The following CNTN5 variants were observed in gnomAD, a reference collection of about 807,000 sequenced individuals.
CNTN5 encodes contactin 5.
In CNTN5, 77 loss-of-function variants were observed where a neutral mutation model predicts 129.1. The ratio of observed to expected loss-of-function variants is 0.60; its 90% CI spans 0.50 to 0.72. The LOEUF (loss-of-function observed/expected upper bound fraction) is 0.72, where lower values mean the gene tolerates loss of function less well. Ranked by LOEUF, CNTN5 falls within the 30% of genes least tolerant of loss-of-function variation. The pLI is 0.00. For missense variants in CNTN5, 1,478 were observed against 1,328.8 expected (o/e 1.11, Z -1.75); for synonymous variants, 509 against 465.6 (o/e 1.09, Z -1.20).
intron 1 of CNTN5, among the ~76,000 whole-genome samples, chr11:99,111,123 T>G (rs928380604): frequency 2.6e-5 from 4 of 152,102 alleles, no homozygotes; most frequent in Admixed American, 6.6e-5. Context: ...ACATGAGAAT[T>G]TAAGATGCTA....
intron 7 of CNTN5, among the ~76,000 whole-genome samples, chr11:99,936,423 C>G (rs1232790965): frequency 6.6e-6 from 1 of 152,136 alleles, no homozygotes; most frequent in East Asian, 1.9e-4. Context: ...TTCTGTTACA[C>G]AAAGGGCCTT....
chr11:100,349,012 A>G (rs905566576), intron 23 of CNTN5, among the ~76,000 whole-genome samples: 1 of 151,978 alleles, frequency 6.6e-6, no homozygotes, highest in African/African-American at 2.4e-5. Context: ...TAATGCTGTT[A>G]TCACCTTGCA....
intron 9 of CNTN5, among the ~76,000 whole-genome samples, chr11:100,037,583 G>A (rs1320523351): frequency 2.6e-5 from 4 of 152,104 alleles, no homozygotes; most frequent in African/African-American, 9.7e-5. Flanking sequence ...ATTCGGCTGT[G>A]AATCCATCTG....
At chr11:99,145,432 T>A (rs1035314852) in intron 1 of CNTN5, among the ~76,000 whole-genome samples, 1 of 152,044 alleles carries the variant, frequency 6.6e-6, no homozygotes, top group Non-Finnish European at 1.5e-5. Context: ...TACTTTGGTT[T>A]CGGTTGTGGG....
Position 100,308,433 on chromosome 11 carries a change from A to ATTC in CNTN5, c.2697_2698insCTT (p.Ile899_Lys900insLeu), listed in dbSNP as rs780586273. ...AGAGATTCTTGTTGCATGGAAACAC[A>ATTC]TTAAAGAGAGTCTAGGAAGACCACA... On this transcript the variant is annotated inframe_insertion, in exon 21 of 25. Transcript: ENST00000524871. 9.9e-6 allele frequency: 16 copies of ATTC among 1,610,928 alleles called. No homozygotes were observed. In the East Asian group the frequency reaches 3.6e-4, roughly 36 times the overall value.
At chr11:100,157,539 T>A (rs972860966) in intron 13 of CNTN5, among the ~76,000 whole-genome samples, 5 of 151,162 alleles carry the variant, frequency 3.3e-5, no homozygotes, top group African/African-American at 1.2e-4. Flanking sequence ...GTCTCAACAG[T>A]GTTTTAGTAT....
At chr11:99,735,847 G>C (rs1291268526) in intron 3 of CNTN5, among the ~76,000 whole-genome samples, 1 of 152,110 alleles carries the variant, frequency 6.6e-6, no homozygotes, top group African/African-American at 2.4e-5. Flanking sequence ...ATACGGTATT[G>C]TTAACTACAG....
intron 9 of CNTN5, among the ~76,000 whole-genome samples, chr11:100,041,074 T>C (rs1376332399): frequency 6.6e-6 from 1 of 152,204 alleles, no homozygotes; most frequent in East Asian, 1.9e-4. Flanking sequence ...TCACTCACAC[T>C]AGGAGCTGTA....
Position 99,595,593 on chromosome 11 carries a change from G to A in CNTN5, c.55+39324G>A, listed in dbSNP as rs192340634. 2.5e-4 allele frequency among the ~76,000 whole-genome samples: 38 copies of A among 152,132 alleles called. No homozygotes were observed. In the East Asian group the frequency reaches 6.0e-3, roughly 24 times the overall value. On this transcript the variant is annotated intron_variant, in intron 3 of 24. Transcript: ENST00000524871. Reference sequence around the variant, plus strand: ...AAGGTAAATATGCCACAGGAATCAGGAACATATGATAAGCCATAAAGCACA... The same window carrying A: ...AAGGTAAATATGCCACAGGAATCAGAAACATATGATAAGCCATAAAGCACA...
chr11:100,121,247 G>A (rs916168508), intron 13 of CNTN5, among the ~76,000 whole-genome samples: 1 of 152,048 alleles, frequency 6.6e-6, no homozygotes, highest in Non-Finnish European at 1.5e-5. Context: ...AGGCGGAACT[G>A]ATGGACTTGA....
intron 3 of CNTN5, among the ~76,000 whole-genome samples, chr11:99,792,177 A>G (rs1417028011): frequency 6.6e-6 from 1 of 152,062 alleles, no homozygotes; most frequent in African/African-American, 2.4e-5. Flanking sequence ...TCCTCGTTCC[A>G]GTTCTCAAGG....
intron 3 of CNTN5, among the ~76,000 whole-genome samples, chr11:99,675,740 CA>C (rs1372511258): frequency 6.6e-6 from 1 of 151,952 alleles, no homozygotes; most frequent in Non-Finnish European, 1.5e-5. Flanking sequence ...CTTTAAAATT[CA>C]AGTGTTTTAT....
At chr11:99,704,903 T>A (rs963058528) in intron 3 of CNTN5, among the ~76,000 whole-genome samples, 1 of 151,322 alleles carries the variant, frequency 6.6e-6, no homozygotes, top group African/African-American at 2.4e-5. Context: ...AAAATGTTTT[T>A]ATGTTGCCCG....
rs115948666 is a variant in CNTN5 at position 100,077,990 on chromosome 11, T to A, written c.1580+3696T>A. ...AATATAATCTAATCATCTGAAAATA[T>A]GTCAGAAAATCTCAAAGGTAAATTT... is the stretch of plus-strand genomic sequence containing the variant. On this transcript the variant is annotated intron_variant, in intron 13 of 24. Coordinates refer to ENST00000524871, the MANE Select transcript of CNTN5 (RefSeq NM_014361.4). Among the ~76,000 whole-genome samples the A allele has an allele frequency of 8.0e-3, 1,212 of 152,280 alleles. 15 individuals carry two copies. Among genetic ancestry groups the A allele is most frequent in the African/African-American group, 0.026 (1,089 of 41,564 alleles).
chr11:100,019,156 T>A (rs1245025663), intron 9 of CNTN5, among the ~76,000 whole-genome samples: 2 of 151,944 alleles, frequency 1.3e-5, no homozygotes, highest in African/African-American at 4.8e-5. Flanking sequence ...TTTGATGAAG[T>A]CCAAATTTTC....
At chr11:99,024,195 C>G (rs74661009) in intron 1 of CNTN5, among the ~76,000 whole-genome samples, 1 of 152,056 alleles carries the variant, frequency 6.6e-6, no homozygotes, top group Non-Finnish European at 1.5e-5. Context: ...ATTCCATCTC[C>G]CTACCCACTC....
At chr11:100,049,296 G>C (rs1374603643) in intron 9 of CNTN5, among the ~76,000 whole-genome samples, 2 of 151,992 alleles carry the variant, frequency 1.3e-5, no homozygotes, top group African/African-American at 2.4e-5. Context: ...CAAAGGGTAG[G>C]AAGGAGAACC....
rs7108729 is a variant in CNTN5, at chr11:99,741,370, A to G, written c.56-78174A>G. Among the ~76,000 whole-genome samples, 357 of 152,236 alleles carry G rather than the reference A, an allele frequency of 2.3e-3. 3 individuals carry two copies. The highest frequency in any genetic ancestry group is 8.2e-3 in the African/African-American group (340 of 41,564). On this transcript the variant is annotated intron_variant, in intron 3 of 24. Coordinates refer to ENST00000524871, the MANE Select transcript of CNTN5 (RefSeq NM_014361.4). ...TTTGTATTTCCAAATTCTGAGATTC[A>G]GTATGTTACTAACACCTCCTGTCTC...
intron 6 of CNTN5, among the ~76,000 whole-genome samples, chr11:99,853,713 A>C (rs1326201343): frequency 6.6e-6 from 1 of 152,142 alleles, no homozygotes; most frequent in African/African-American, 2.4e-5. Flanking sequence ...GGTAATAGTA[A>C]AATTTATTGA....
Sources: allele counts gnomAD v4.1 joint callset (sites outside exome capture counted in the v4.1 genomes callset), GRCh38; gene constraint gnomAD v4.1.1; transcripts MANE v1.5; gene names NCBI Gene and HGNC (gene_info 2026-07-23, HGNC 2026-07-21).